The following HAUS6 variants were observed in gnomAD, a reference collection of about 807,000 sequenced individuals.
HAUS6 encodes HAUS augmin-like complex subunit 6.
A neutral mutation model predicts 106.8 loss-of-function variants in HAUS6; 80 were observed. The observed-to-expected ratio is 0.75, with a 90% CI of 0.63 to 0.90. The LOEUF is 0.90. HAUS6 is among the 40% of genes least tolerant of loss of function. The pLI, the probability that HAUS6 is intolerant of heterozygous loss-of-function variation, is 0.00. For synonymous variants in HAUS6, 356 were observed against 379.1 expected, an observed-to-expected ratio of 0.94 and a Z score of 0.71; for missense variants, 1,155 against 1,118.1, an observed-to-expected ratio of 1.03 and a Z score of -0.47.
intron 15 of HAUS6, among the ~76,000 whole-genome samples, chr9:19,059,812 T>C (rs976995315): frequency 2.0e-5 from 3 of 152,228 alleles, no homozygotes. Context: ...TTTTTTTAAA[T>C]GCTCAAATAA....
At chr9:19,071,958 C>T (rs1469576666) in intron 11 of HAUS6, among the ~76,000 whole-genome samples, 1 of 152,102 alleles carries the variant, frequency 6.6e-6, no homozygotes, top group Non-Finnish European at 1.5e-5. Flanking sequence ...AATCCCAACA[C>T]TTTGGGAGGC....
In HAUS6 at chr9:19,102,608, C is replaced by A; in HGVS notation, c.44G>T (p.Trp15Leu). ...GAAGCCGAGCGCCTGCAGATACATC[C>A]AGAGATGCTCCTTCTCGAAAGCGGT... The part of the protein sequence containing the change: ...SVTAFEKEHL[W>L]MYLQALGFEP... Residue 15 changes from tryptophan to leucine, a missense_variant, in exon 1 of 17, where the codon TGG becomes TTG. Physicochemically the swap from Trp to Leu is moderately conservative, Grantham distance 61. Around this residue, in one of 3 missense-constraint regions of HAUS6, gnomAD observed 761 missense variants for 690.0 expected, o/e 1.10. Transcript: ENST00000380502. 1 of 1,613,634 alleles carries A rather than the reference C, an allele frequency of 6.2e-7. No individual in the cohort carries two copies. The highest frequency in any genetic ancestry group is 8.5e-7 in the Non-Finnish European group (1 of 1,179,754).
At chr9:19,089,645 T>G (rs16937322) in intron 4 of HAUS6, 86 bp from the exon 5 acceptor site, 50,356 of 958,898 alleles carry the variant, frequency 0.053, 1,898 homozygotes, top group African/African-American at 0.16. Context: ...GTCACTAACG[T>G]TGGTGGTATA....
rs1818011857 is a variant in HAUS6, at chr9:19,102,496, C to G, written c.128+28G>C. Reference sequence around the variant, plus strand: ...CCCGGCGTCCCCCGGTTCAGGCTCCCTCGCCCCGCCGGCCCCGGCCTCCTT... The same window carrying G: ...CCCGGCGTCCCCCGGTTCAGGCTCCGTCGCCCCGCCGGCCCCGGCCTCCTT... On this transcript the variant is annotated intron_variant, in intron 1 of 16. Coordinates refer to ENST00000380502, the MANE Select transcript of HAUS6 (RefSeq NM_017645.5). 2.5e-6 allele frequency: 4 copies of G among 1,608,788 alleles called. No individual in the cohort carries two copies. The East Asian group carries it at 8.9e-5, about 36-fold the overall frequency.
chr9:19,072,126 G>C (rs1475207170), intron 11 of HAUS6, among the ~76,000 whole-genome samples: 1 of 151,554 alleles, frequency 6.6e-6, no homozygotes, highest in Non-Finnish European at 1.5e-5. Context: ...AGAGGCAGAG[G>C]TTGCAGTGAG....
At chr9:19,081,948 G>A (rs1243786754) in intron 8 of HAUS6, among the ~76,000 whole-genome samples, 4 of 152,030 alleles carry the variant, frequency 2.6e-5, no homozygotes, top group African/African-American at 7.2e-5. Flanking sequence ...TTTTATCTTT[G>A]TATCTCTCCA....
chr9:19,076,190 T>C (rs1837000099), intron 11 of HAUS6, among the ~76,000 whole-genome samples: 1 of 136,380 alleles, frequency 7.3e-6, no homozygotes, highest in Non-Finnish European at 1.6e-5. Context: ...TGAAATCCCA[T>C]TTCTACAAAA....
At chr9:19,096,650 G>C (rs1286882921) in intron 2 of HAUS6, 24 bp downstream of exon 2, 4 of 943,976 alleles carry the variant, frequency 4.2e-6, no homozygotes, top group Non-Finnish European at 6.3e-6. Context: ...AGAAATTTAA[G>C]AAAATGAAAT....
At position 19,060,190 on chromosome 9, in the gene HAUS6, G is replaced by C. The variant is rs1242958420; in HGVS notation, c.1663C>G (p.Leu555Val). ...ARAVLSDSPQ[L>V]SEGKEIKLEE... ...AATTTTATTTCTTTTCCTTCAGAGA[G>C]CTGTGGTGAATCAGATAAAACTGCT... The change falls in exon 15 of 17, where the codon CTC becomes GTC. Residue 555 changes from leucine (L) to valine (V), a missense_variant. By Grantham distance (32) the Leu-to-Val change is conservative. This residue lies in a region of HAUS6 where 761 missense variants were observed against 690.0 expected (regional missense o/e 1.10). Transcript: ENST00000380502. 6.3e-7 allele frequency: 1 copy of C among 1,581,724 alleles called. No individual in the cohort carries two copies. The highest frequency in any genetic ancestry group is 1.9e-5 in the Admixed American group (1 of 53,088).
rs534320112 is a variant in HAUS6, at chr9:19,071,374, T to C, written c.1295-1074A>G. Among the ~76,000 whole-genome samples, 8 of 152,086 alleles carry C rather than the reference T, an allele frequency of 5.3e-5. No individual in the cohort carries two copies. The East Asian group carries it at 7.7e-4, about 15-fold the overall frequency. On this transcript the variant is annotated intron_variant, in intron 11 of 16. Transcript: ENST00000380502. The stretch of plus-strand genomic sequence containing the variant: ...AAGACAGAATTAGAAGTCCCAACAA[T>C]AGGAGTTTCAGAAGGAAAGGATCAA...
chr9:19,058,659 G>A lies in HAUS6; in HGVS notation c.2108C>T (p.Thr703Ile), dbSNP rs574489899. 11 of 1,608,610 alleles carry A rather than the reference G, an allele frequency of 6.8e-6. No homozygotes were observed. The African/African-American group carries it at 1.2e-4, about 18-fold the overall frequency. The change falls in exon 16 of 17, where the codon ACC (threonine) becomes ATC (isoleucine). Residue 703 changes from threonine (T) to isoleucine (I), a missense_variant. This residue lies in a region of HAUS6 where 380 missense variants were observed against 394.8 expected (regional missense o/e 0.96). Transcript: ENST00000380502. ...CKQDLECLAF[T>I]KLSETSRMET... Reference sequence around the variant, plus strand: ...CATTCGGCTAGTTTCTGAAAGCTTGGTGAAGGCTAAACATTCCAAATCTTG... The same window carrying A: ...CATTCGGCTAGTTTCTGAAAGCTTGATGAAGGCTAAACATTCCAAATCTTG...
rs1456681849 is a variant in HAUS6, at chr9:19,094,363, T to A, written c.257A>T (p.Asp86Val). The A allele has an allele frequency of 6.2e-7, 1 of 1,609,582 alleles. No individual in the cohort carries two copies. The highest frequency in any genetic ancestry group is 1.7e-5 in the Admixed American group (1 of 59,848). Residue 86 changes from aspartate to valine, a missense_variant, in exon 3 of 17, where the codon GAC becomes GTC. By Grantham distance (152) the Asp-to-Val change is radical. This residue lies in a region of HAUS6 where 761 missense variants were observed against 690.0 expected (regional missense o/e 1.10). Transcript: ENST00000380502. ...ACAGCAATGTTTTCGGAATTCAGTG[T>A]CACTTTTTTGGTCAAATGGGGGCCA... ...FCWPPFDQKS[D>V]TEFRKHCCEW... is the part of the protein sequence containing the mutation.
In HAUS6 at chr9:19,096,711, G is replaced by C. The variant is rs1017175517; in HGVS notation, c.187C>G (p.Gln63Glu). The change falls in exon 2 of 17, where the codon CAA (glutamine) becomes GAA (glutamate). Residue 63 changes from glutamine (Q) to glutamate (E), a missense_variant. Transcript: ENST00000380502. ...AFHIISYFLF[Q>E]VLDQSLTKEV... ...TTGGTGAGAGACTGGTCCAGAACTT[G>C]AAACAAAAAATAAGAAATTATATGA... 1 of 1,555,128 alleles carries C rather than the reference G, an allele frequency of 6.4e-7. No homozygotes were observed. The highest frequency in any genetic ancestry group is 8.7e-7 in the Non-Finnish European group (1 of 1,144,164).
intron 2 of HAUS6, 118 bp downstream of exon 2, chr9:19,096,556 C>T (rs954457800): frequency 9.4e-6 from 5 of 531,520 alleles, no homozygotes; most frequent in Non-Finnish European, 1.6e-5. Context: ...CGGAGTGAGA[C>T]TCCGTCTCAA....
intron 8 of HAUS6, 148 bp from the exon 9 acceptor site, chr9:19,080,820 C>G: frequency 1.7e-6 from 1 of 583,512 alleles, no homozygotes; most frequent in South Asian, 2.2e-5. Flanking sequence ...GTAATCCCAG[C>G]ACTCTGGGAG....
intron 11 of HAUS6, among the ~76,000 whole-genome samples, chr9:19,075,799 CA>C (rs34260961): frequency 1.3e-5 from 2 of 151,060 alleles, no homozygotes; most frequent in African/African-American, 4.9e-5. Context: ...ACTAAAAATA[CA>C]AAAAAAATTA....
At position 19,058,044 on chromosome 9, in the gene HAUS6, G is replaced by A. The variant is rs1254137130; in HGVS notation, c.2723C>T (p.Ser908Leu). ...CACTGGAGAAAACTTAATTAGTGGTGAAAGAGACCGTTTTCTTTCACCGAT... is the reference window on the plus strand; with the variant it reads ...CACTGGAGAAAACTTAATTAGTGGTAAAAGAGACCGTTTTCTTTCACCGAT... The part of the protein sequence containing the change: ...TSIGERKRSL[S>L]PLIKFSPVEQ... Residue 908 changes from serine (S) to leucine (L), a missense_variant, in exon 16 of 17, where the codon TCA becomes TTA. By Grantham distance (145) the Ser-to-Leu change is moderately radical (BLOSUM62 -2). This residue lies in a region of HAUS6 where 380 missense variants were observed against 394.8 expected (regional missense o/e 0.96). Transcript: ENST00000380502. 1.2e-6 allele frequency: 2 copies of A among 1,612,744 alleles called. No individual in the cohort carries two copies. Among genetic ancestry groups the A allele is most frequent in the Admixed American group, 1.7e-5 (1 of 60,018 alleles).
At chr9:19,082,846 A>G in intron 8 of HAUS6, 27 bp downstream of exon 8, 2 of 1,295,424 alleles carry the variant, frequency 1.5e-6, no homozygotes, top group Non-Finnish European at 2.1e-6. Flanking sequence ...AGTTTTCTCA[A>G]AAGCTTCCTT....
chr9:19,077,033 A>G (rs7042340), intron 10 of HAUS6, among the ~76,000 whole-genome samples: 132,170 of 152,000 alleles, frequency 0.87, 57,503 homozygotes, highest in East Asian at 0.97. Context: ...TGGTAGAGAT[A>G]AGGTCTCACC....
Sources: gnomAD v4.1 joint callset for allele counts (sites outside exome capture counted in the v4.1 genomes callset) on GRCh38, gnomAD v4.1.1 for gene constraint, gnomAD v4.1.1 regional missense constraint, MANE v1.5 for transcripts, NCBI Gene and HGNC (gene_info 2026-07-23, HGNC 2026-07-21) for gene names.